FRMD5: variants seen among roughly 807,000 people sequenced by gnomAD.
FRMD5 encodes FERM domain-containing protein 5.
FRMD5 carries 20 observed loss-of-function variants against 69.0 expected under a neutral mutation model. That is an observed-to-expected ratio of 0.29 (90% CI 0.20 to 0.42). The LOEUF is 0.42. FRMD5 is among the 10% of genes least tolerant of loss of function. The pLI is 1.00. For synonymous variants in FRMD5, 271 were observed against 260.1 expected (o/e 1.04, Z -0.40); for missense variants, 595 against 708.6 (o/e 0.84, Z 1.82).
In FRMD5 at chr15:43,902,420, C is replaced by T. The variant is rs115364132; in HGVS notation, c.552-158G>A. 2.4e-4 allele frequency among the ~76,000 whole-genome samples: 37 copies of T among 152,262 alleles called. 1 individual carries two copies. The highest frequency in any genetic ancestry group is 8.7e-4 in the African/African-American group (36 of 41,538). On this transcript the variant is annotated intron_variant, in intron 6 of 13. Coordinates refer to ENST00000417257, the MANE Select transcript of FRMD5 (RefSeq NM_032892.5). ...TCTAGGACCAACTTCGAGACTCCTGCTAGAGTCTCTGACTGTCTTCAAACG... is the reference window on the plus strand; with the variant it reads ...TCTAGGACCAACTTCGAGACTCCTGTTAGAGTCTCTGACTGTCTTCAAACG...
In FRMD5 at chr15:43,871,898, C is replaced by T. The variant is rs2088169362; in HGVS notation, c.*1987G>A. 1.3e-5 allele frequency: 2 copies of T among 152,156 alleles called. No individual in the cohort carries two copies. Among genetic ancestry groups the T allele is most frequent in the Non-Finnish European group, 2.9e-5 (2 of 68,026 alleles). The allele number at this position is 152,156 out of a possible 1,614,324, so 9.4% of individuals were successfully genotyped here. A position where few individuals can be genotyped will look rare whatever the true frequency, so the allele number is the denominator to read the frequency against. ...GGGAAGAGGTCCCAGATCTTTGATA[C>T]ATGTCAGGCATGGAAACAGAGCTGA... is the stretch of plus-strand genomic sequence containing the variant. On this transcript the variant is annotated 3_prime_UTR_variant, in exon 14 of 14. Transcript: ENST00000417257.
chr15:44,003,232 C>T (rs1890290604), intron 1 of FRMD5, among the ~76,000 whole-genome samples: 1 of 152,164 alleles, frequency 6.6e-6, no homozygotes, highest in African/African-American at 2.4e-5. Flanking sequence ...CTTACCACCT[C>T]CACCACTATC....
chr15:43,984,544 A>G (rs771090840), intron 1 of FRMD5, among the ~76,000 whole-genome samples: 2 of 152,184 alleles, frequency 1.3e-5, no homozygotes, highest in Non-Finnish European at 2.9e-5. Context: ...TTTCCCATTC[A>G]CTACAGAGAA....
Position 43,999,926 on chromosome 15 carries a change from T to TATATATATATATATATGCCATGC in FRMD5, c.103-75618_103-75617insGCATGGCATATATATATATATAT, listed in dbSNP as rs1890108382. 2.7e-3 allele frequency among the ~76,000 whole-genome samples: 58 copies of TATATATATATATATATGCCATGC among 21,592 alleles called. 2 individuals are homozygous for TATATATATATATATATGCCATGC. The highest frequency in any genetic ancestry group is 5.3e-3 in the African/African-American group (54 of 10,204). The allele number at this position is 21,592 out of a possible 152,430, so 14.2% of individuals were successfully genotyped here. ...TTTTATATTTGTGTGTGTGTATGTATATATATATATATATATATATGCCAT... is the reference window on the plus strand; with the variant it reads ...TTTTATATTTGTGTGTGTGTATGTATATATATATATATATATGCCATGCATATATATATATATATATATGCCAT... On this transcript the variant is annotated intron_variant, in intron 1 of 13. Transcript: ENST00000417257.
chr15:43,973,368 G>GT (rs142522923), intron 1 of FRMD5, among the ~76,000 whole-genome samples: 4,646 of 127,570 alleles, frequency 0.036, 95 homozygotes, highest in African/African-American at 0.063. Flanking sequence ...TAATGCTAAT[G>GT]TTTTTTTTTT....
chr15:44,196,822 C>A (rs1481286173), upstream of FRMD5, among the ~76,000 whole-genome samples: 1 of 148,650 alleles, frequency 6.7e-6, no homozygotes, highest in Admixed American at 6.8e-5. Context: ...CCTTAGTAAC[C>A]TGGACTGCTC....
At chr15:43,910,572 CAAAAAAAA>C (rs1167867396) in intron 4 of FRMD5, among the ~76,000 whole-genome samples, 27 of 40,366 alleles carry the variant, frequency 6.7e-4, no homozygotes, top group African/African-American at 1.9e-3. Context: ...GACCTTGTCT[CAAAAAAAA>C]AAAAAAAAAA....
chr15:44,073,723 C>A (rs1170468746), intron 1 of FRMD5, among the ~76,000 whole-genome samples: 1 of 152,138 alleles, frequency 6.6e-6, no homozygotes, highest in African/African-American at 2.4e-5. Context: ...TCAAGCCATT[C>A]CCTCTCCTGG....
At chr15:44,059,429 C>T (rs1893001767) in intron 1 of FRMD5, among the ~76,000 whole-genome samples, 2 of 152,152 alleles carry the variant, frequency 1.3e-5, no homozygotes, top group South Asian at 4.1e-4. Context: ...AATACCAAGC[C>T]AATATGCTGG....
intron 1 of FRMD5, among the ~76,000 whole-genome samples, chr15:44,107,527 A>G (rs531246645): frequency 6.6e-6 from 1 of 152,106 alleles, no homozygotes. Context: ...CCTCTTTTGG[A>G]TATCTATTCT....
At chr15:43,975,470 T>C (rs192463626) in intron 1 of FRMD5, among the ~76,000 whole-genome samples, 13 of 152,230 alleles carry the variant, frequency 8.5e-5, no homozygotes, top group East Asian at 5.8e-4. Flanking sequence ...AGAGGAAACC[T>C]GAAGGGCCAA....
intron 7 of FRMD5, among the ~76,000 whole-genome samples, chr15:43,893,546 A>G (rs550051950): frequency 2.0e-5 from 3 of 152,310 alleles, no homozygotes; most frequent in African/African-American, 4.8e-5. Context: ...GTCAGGCTGC[A>G]TGAATGGTGA....
intron 1 of FRMD5, among the ~76,000 whole-genome samples, chr15:43,951,320 G>A (rs375619234): frequency 2.0e-3 from 298 of 151,856 alleles, no homozygotes; most frequent in African/African-American, 6.6e-3. Flanking sequence ...TACTCGGGAG[G>A]CTGAGGCAGG....
chr15:44,075,547 T>C (rs990963332), intron 1 of FRMD5, among the ~76,000 whole-genome samples: 2 of 152,186 alleles, frequency 1.3e-5, no homozygotes, highest in East Asian at 1.9e-4. Flanking sequence ...CAAATGATGG[T>C]ATAAATATAG....
chr15:44,051,112 C>T (rs1473127563), intron 1 of FRMD5, among the ~76,000 whole-genome samples: 3 of 148,680 alleles, frequency 2.0e-5, no homozygotes, highest in Non-Finnish European at 4.5e-5. Flanking sequence ...CATCTTTCAC[C>T]TCCTAATTAC....
At chr15:44,055,293 G>T (rs925137352) in intron 1 of FRMD5, among the ~76,000 whole-genome samples, 1 of 152,090 alleles carries the variant, frequency 6.6e-6, no homozygotes, top group Non-Finnish European at 1.5e-5. Context: ...TAGACTAGTA[G>T]TAGCACTGTA....
intron 1 of FRMD5, among the ~76,000 whole-genome samples, chr15:44,149,263 G>C (rs2077406307): frequency 6.6e-6 from 1 of 151,606 alleles, no homozygotes; most frequent in African/African-American, 2.4e-5. Context: ...GAAAATACCT[G>C]TAGAAAACAC....
chr15:43,960,332 C>G (rs1413143946), intron 1 of FRMD5, among the ~76,000 whole-genome samples: 1 of 152,210 alleles, frequency 6.6e-6, no homozygotes, highest in East Asian at 1.9e-4. Context: ...TCACTGCAAG[C>G]TCTGCCTCCC....
At chr15:43,955,597 T>TTGTG (rs143391516) in intron 1 of FRMD5, among the ~76,000 whole-genome samples, 4 of 151,766 alleles carry the variant, frequency 2.6e-5, no homozygotes, top group Non-Finnish European at 4.4e-5. Flanking sequence ...AAGGGCCATT[T>TTGTG]TGTGTGTGTG....
Sources: gnomAD v4.1 joint callset for allele counts (sites outside exome capture counted in the v4.1 genomes callset) on GRCh38, gnomAD v4.1.1 for gene constraint, MANE v1.5 for transcripts, NCBI Gene and HGNC (gene_info 2026-07-23, HGNC 2026-07-21) for gene names.